Variants in KCTD16 observed in about 807,000 individuals in gnomAD.
The protein encoded by KCTD16 is potassium channel tetramerization domain containing 16.
A neutral mutation model predicts 33.2 loss-of-function variants in KCTD16; 13 were observed. The observed-to-expected ratio is 0.39, with a 90% CI of 0.25 to 0.62. The LOEUF (loss-of-function observed/expected upper bound fraction) is 0.62, where lower values mean the gene tolerates loss of function less well. Ranked by LOEUF, KCTD16 falls within the 20% of genes least tolerant of loss-of-function variation. The pLI is 0.50. For synonymous variants in KCTD16, 197 were observed against 195.3 expected, an observed-to-expected ratio of 1.01 and a Z score of -0.07; for missense variants, 441 against 525.1, an observed-to-expected ratio of 0.84 and a Z score of 1.57.
intron 3 of KCTD16, among the ~76,000 whole-genome samples, chr5:144,260,152 G>A (rs1754966275): frequency 6.6e-6 from 1 of 152,198 alleles, no homozygotes; most frequent in Non-Finnish European, 1.5e-5. Flanking sequence ...GTTCGTGTAT[G>A]AGCAGACAAG....
chr5:144,277,303 C>T (rs7737708), intron 3 of KCTD16, among the ~76,000 whole-genome samples: 8,690 of 152,168 alleles, frequency 0.057, 833 homozygotes, highest in African/African-American at 0.19. Flanking sequence ...ATGATGACGA[C>T]GATGATGATG....
At chr5:144,221,353 G>T (rs1753742887) in intron 3 of KCTD16, among the ~76,000 whole-genome samples, 1 of 152,090 alleles carries the variant, frequency 6.6e-6, no homozygotes, top group Admixed American at 6.6e-5. Flanking sequence ...ATGCCATGGT[G>T]GTTTGCTGCA....
At chr5:144,415,048 C>CA (rs2126956712) in intron 3 of KCTD16, among the ~76,000 whole-genome samples, 1 of 152,248 alleles carries the variant, frequency 6.6e-6, no homozygotes, top group Non-Finnish European at 1.5e-5. Context: ...TGTATTTTCT[C>CA]AGAGTTCTTG....
intron 3 of KCTD16, among the ~76,000 whole-genome samples, chr5:144,300,175 G>T (rs866530616): frequency 6.6e-6 from 1 of 152,246 alleles, no homozygotes; most frequent in Non-Finnish European, 1.5e-5. Flanking sequence ...TTCTCGGGTG[G>T]AAGAGCATTG....
intron 3 of KCTD16, among the ~76,000 whole-genome samples, chr5:144,421,843 T>A (rs750674481): frequency 5.9e-5 from 9 of 152,136 alleles, no homozygotes; most frequent in Non-Finnish European, 1.0e-4. Context: ...AGAGACACTC[T>A]GATGGGGAGA....
chr5:144,246,720 C>G (rs540190337), intron 3 of KCTD16, among the ~76,000 whole-genome samples: 3 of 152,078 alleles, frequency 2.0e-5, no homozygotes, highest in African/African-American at 4.8e-5. Context: ...TAAAATCAAG[C>G]CTTTATTGAT....
intron 3 of KCTD16, among the ~76,000 whole-genome samples, chr5:144,426,534 T>TA (rs1458872877): frequency 6.6e-6 from 1 of 152,144 alleles, no homozygotes; most frequent in Non-Finnish European, 1.5e-5. Context: ...GTGTTTTTTT[T>TA]AAAAATAGTA....
In KCTD16 at chr5:144,307,142, C is replaced by A. The variant is rs1751622389; in HGVS notation, c.832+99596C>A. 2.6e-5 allele frequency among the ~76,000 whole-genome samples: 4 copies of A among 152,324 alleles called. No individual in the cohort carries two copies. The South Asian group carries it at 8.3e-4, about 32-fold the overall frequency. ...GCTGTTCAATCATTCCTACCCATGC[C>A]TTTGCTTTTCCAAGGTGCCCTTTCT... On this transcript the variant is annotated intron_variant, in intron 3 of 3. Coordinates refer to ENST00000512467, the MANE Select transcript of KCTD16 (RefSeq NM_020768.4).
chr5:144,316,880 T>G (rs1751932434), intron 3 of KCTD16, among the ~76,000 whole-genome samples: 1 of 134,468 alleles, frequency 7.4e-6, no homozygotes, highest in Admixed American at 8.6e-5. Context: ...TGGGCTGGAG[T>G]GCAATGGTGT....
intron 3 of KCTD16, among the ~76,000 whole-genome samples, chr5:144,400,038 A>G (rs1386365487): frequency 6.6e-6 from 1 of 152,156 alleles, no homozygotes; most frequent in Non-Finnish European, 1.5e-5. Flanking sequence ...TACTTTCAAT[A>G]GTTTTACTTC....
intron 3 of KCTD16, among the ~76,000 whole-genome samples, chr5:144,342,307 A>G (rs1752668914): frequency 1.3e-5 from 2 of 152,112 alleles, no homozygotes; most frequent in Non-Finnish European, 2.9e-5. Flanking sequence ...TGTAAGTTGG[A>G]TTCCTAGGAA....
chr5:144,393,410 T>A (rs1361550451), intron 3 of KCTD16, among the ~76,000 whole-genome samples: 1 of 152,184 alleles, frequency 6.6e-6, no homozygotes, highest in African/African-American at 2.4e-5. Flanking sequence ...TAAATCTGTG[T>A]GTTTTTCTAT....
At chr5:144,393,970 T>C (rs1485365533) in intron 3 of KCTD16, among the ~76,000 whole-genome samples, 8 of 147,432 alleles carry the variant, frequency 5.4e-5, no homozygotes, top group Non-Finnish European at 9.2e-5. Flanking sequence ...TTTCTTTTTT[T>C]TTTTTTTTTT....
chr5:144,272,065 A>G lies in KCTD16; in HGVS notation c.832+64519A>G, dbSNP rs35523566. Among the ~76,000 whole-genome samples the G allele has an allele frequency of 5.0e-4, 76 of 152,312 alleles. No individual in the cohort carries two copies. The Middle Eastern group carries it at 0.01, about 20-fold the overall frequency. On this transcript the variant is annotated intron_variant, in intron 3 of 3. Transcript: ENST00000512467. ...GTTGATCAATTGGAAGATATAATAT[A>G]TTAAGATGCCAATATTACTCAAAGC...
rs950158342 is a variant in KCTD16, at chr5:144,264,985, G to A, written c.832+57439G>A. Among the ~76,000 whole-genome samples, 80 of 152,254 alleles carry A rather than the reference G, an allele frequency of 5.3e-4. 1 individual carries two copies. The highest frequency in any genetic ancestry group is 4.2e-3 in the Admixed American group (64 of 15,294). ...ACAGAAATGAGTAAATCTTCCTTGG[G>A]AAATTTGGCATTTAAACTCTTGCCA... On this transcript the variant is annotated intron_variant, in intron 3 of 3. Coordinates refer to ENST00000512467, the MANE Select transcript of KCTD16 (RefSeq NM_020768.4).
At position 144,172,903 on chromosome 5, in the gene KCTD16, T is replaced by C. The variant is rs1445694600; in HGVS notation, c.-492-1404T>C. 2.6e-5 allele frequency among the ~76,000 whole-genome samples: 4 copies of C among 152,210 alleles called. No homozygotes were observed. The East Asian group carries it at 7.7e-4, about 29-fold the overall frequency. ...CTTTTGTTTTTTTCTGATGTTTCTA[T>C]TTCTTCTGAATCAAAAAGGATATCC... On this transcript the variant is annotated intron_variant, in intron 1 of 3. Transcript: ENST00000512467.
At chr5:144,318,155 T>C (rs1246428458) in intron 3 of KCTD16, among the ~76,000 whole-genome samples, 1 of 152,196 alleles carries the variant, frequency 6.6e-6, no homozygotes, top group African/African-American at 2.4e-5. Context: ...GCGGTGACCA[T>C]TCTTGCAAAT....
intron 3 of KCTD16, among the ~76,000 whole-genome samples, chr5:144,290,813 A>G (rs1755876842): frequency 6.6e-6 from 1 of 152,214 alleles, no homozygotes; most frequent in Non-Finnish European, 1.5e-5. Context: ...CATTCCATGC[A>G]GCATCCCTTG....
chr5:144,430,081 T>TA (rs1753423762), intron 3 of KCTD16, among the ~76,000 whole-genome samples: 2 of 152,104 alleles, frequency 1.3e-5, no homozygotes, highest in Non-Finnish European at 2.9e-5. Context: ...GCAAGCTAGC[T>TA]GAATCTATAT....
Sources: gnomAD v4.1 joint callset for allele counts (sites outside exome capture counted in the v4.1 genomes callset) on GRCh38, gnomAD v4.1.1 for gene constraint, MANE v1.5 for transcripts, NCBI Gene and HGNC (gene_info 2026-07-23, HGNC 2026-07-21) for gene names.